ZPBP: variants seen among roughly 807,000 people sequenced by gnomAD.
ZPBP encodes the protein zona pellucida-binding protein 1.
A neutral mutation model predicts 44.8 loss-of-function variants in ZPBP; 26 were observed. The observed-to-expected ratio is 0.58, with a 90% confidence interval of 0.43 to 0.81. ZPBP has a LOEUF of 0.81. ZPBP is among the 30% of genes least tolerant of loss of function. ZPBP has a pLI of 0.00. For synonymous variants in ZPBP, 174 were observed against 153.2 expected (o/e 1.14, Z -1.00); for missense variants, 409 against 434.0 (o/e 0.94, Z 0.51).
intron 1 of ZPBP, among the ~76,000 whole-genome samples, chr7:50,091,680 A>C (rs897343241): frequency 5.9e-5 from 9 of 152,228 alleles, no homozygotes; most frequent in Non-Finnish European, 8.8e-5. Flanking sequence ...TCAGTATCAA[A>C]CACTATACCT....
In ZPBP at chr7:49,987,748, G is replaced by C. The variant is rs1043814136; in HGVS notation, c.784-4229C>G. On this transcript the variant is annotated intron_variant, in intron 6 of 7. Transcript: ENST00000046087. ...ATGTGTTGTGTGTGTGTGTGTGTGTGTGTGTGTGTGTGTGTGTGTGTGTGC... is the reference window on the plus strand; with the variant it reads ...ATGTGTTGTGTGTGTGTGTGTGTGTCTGTGTGTGTGTGTGTGTGTGTGTGC... 5.6e-5 allele frequency among the ~76,000 whole-genome samples: 8 copies of C among 143,120 alleles called. No homozygotes were observed. The East Asian group carries it at 1.7e-3, about 30-fold the overall frequency. The allele number at this position is 143,120 out of a possible 152,430, so 93.9% of individuals were successfully genotyped here.
chr7:49,875,985 C>T (rs895937474), intron 2 of ZPBP, among the ~76,000 whole-genome samples: 5 of 152,146 alleles, frequency 3.3e-5, no homozygotes, highest in African/African-American at 9.7e-5. Context: ...TGTGCTGGCA[C>T]ACTTATTCTG....
chr7:50,005,580 T>G (rs1798269809), intron 6 of ZPBP, among the ~76,000 whole-genome samples: 1 of 151,968 alleles, frequency 6.6e-6, no homozygotes, highest in Non-Finnish European at 1.5e-5. Context: ...AACTTTAAGA[T>G]GTTCTATCTA....
At chr7:50,040,512 G>C (rs979457103) in intron 4 of ZPBP, among the ~76,000 whole-genome samples, 1 of 152,176 alleles carries the variant, frequency 6.6e-6, no homozygotes, top group Non-Finnish European at 1.5e-5. Flanking sequence ...AGCCTACAGT[G>C]GGCGAGCTGA....
At chr7:50,016,665 T>G (rs1433340676) in intron 6 of ZPBP, among the ~76,000 whole-genome samples, 1 of 152,168 alleles carries the variant, frequency 6.6e-6, no homozygotes, top group Non-Finnish European at 1.5e-5. Flanking sequence ...CTAATCCCTA[T>G]GCTTTAACAC....
At chr7:50,013,515 G>A (rs1798678816) in intron 6 of ZPBP, among the ~76,000 whole-genome samples, 1 of 151,798 alleles carries the variant, frequency 6.6e-6, no homozygotes, top group African/African-American at 2.4e-5. Context: ...CCAATTCTAG[G>A]TAATAATAGT....
chr7:50,037,825 C>T (rs1320639959), intron 4 of ZPBP, among the ~76,000 whole-genome samples: 1 of 152,132 alleles, frequency 6.6e-6, no homozygotes. Context: ...TTTCTACAGC[C>T]TAACACAGGG....
intron 3 of ZPBP, among the ~76,000 whole-genome samples, chr7:50,070,703 T>C (rs1212612226): frequency 6.6e-6 from 1 of 151,832 alleles, no homozygotes; most frequent in African/African-American, 2.4e-5. Context: ...GAACAAAGAG[T>C]CAAGTTACCT....
At chr7:49,973,849 C>T (rs1349022045) in intron 7 of ZPBP, among the ~76,000 whole-genome samples, 2 of 152,084 alleles carry the variant, frequency 1.3e-5, no homozygotes, top group African/African-American at 4.8e-5. Flanking sequence ...AGTTGGGATT[C>T]ATATAATTGT....
intron 4 of ZPBP, among the ~76,000 whole-genome samples, chr7:50,044,162 G>A (rs1172823667): frequency 6.6e-6 from 1 of 152,168 alleles, no homozygotes; most frequent in African/African-American, 2.4e-5. Flanking sequence ...CACAGCTAAA[G>A]CAGTGTTTAG....
At chr7:49,873,854 A>C (rs2128724244) in intron 2 of ZPBP, among the ~76,000 whole-genome samples, 1 of 152,222 alleles carries the variant, frequency 6.6e-6, no homozygotes, top group South Asian at 2.1e-4. Context: ...GTACTACTAC[A>C]CAGCATTTAT....
At chr7:50,069,814 C>T (rs1169488582) in intron 3 of ZPBP, among the ~76,000 whole-genome samples, 1 of 152,084 alleles carries the variant, frequency 6.6e-6, no homozygotes, top group Non-Finnish European at 1.5e-5. Flanking sequence ...CAGGAACGTG[C>T]CTTCCCCTGT....
chr7:49,988,118 A>C (rs1182586251), intron 6 of ZPBP, among the ~76,000 whole-genome samples: 1 of 152,228 alleles, frequency 6.6e-6, no homozygotes. Context: ...AAGCATTAAA[A>C]GCATAACAAA....
At chr7:49,902,488 G>GT (rs1273210359) in intron 1 of ZPBP, among the ~76,000 whole-genome samples, 1 of 148,182 alleles carries the variant, frequency 6.7e-6, no homozygotes, top group Non-Finnish European at 1.5e-5. Flanking sequence ...TGAAAGGGTA[G>GT]TTTTTTGTTT....
At chr7:49,979,218 G>A (rs1796666967) in intron 7 of ZPBP, among the ~76,000 whole-genome samples, 1 of 151,736 alleles carries the variant, frequency 6.6e-6, no homozygotes, top group Non-Finnish European at 1.5e-5. Context: ...CGAGAAAGCC[G>A]TATCACAATT....
At position 50,037,572 on chromosome 7, in the gene ZPBP, A is replaced by G. The variant is rs138627910; in HGVS notation, c.488-6262T>C. Among the ~76,000 whole-genome samples, 3 of 152,264 alleles carry G rather than the reference A, an allele frequency of 2.0e-5. No homozygotes were observed. The East Asian group carries it at 5.8e-4, about 29-fold the overall frequency. On this transcript the variant is annotated intron_variant, in intron 4 of 7. Transcript: ENST00000046087. ...GAGTGTGAAGAAAGAAGTGCTACAC[A>G]CTTTCAGACAACCAGATCTCATGAG...
intron 7 of ZPBP, among the ~76,000 whole-genome samples, chr7:49,979,854 A>G (rs1229990526): frequency 1.8e-4 from 1 of 5,460 alleles, no homozygotes; most frequent in South Asian, 2.9e-3. Flanking sequence ...TATAAAATAT[A>G]TATAATATAA....
At chr7:49,877,122 G>C (rs1177060671) in intron 2 of ZPBP, among the ~76,000 whole-genome samples, 1 of 151,974 alleles carries the variant, frequency 6.6e-6, no homozygotes, top group East Asian at 1.9e-4. Flanking sequence ...AAAATACATT[G>C]GAAGACACGT....
chr7:49,854,174 T>C (rs1205639806), intron 2 of ZPBP, among the ~76,000 whole-genome samples: 2 of 152,212 alleles, frequency 1.3e-5, no homozygotes, highest in East Asian at 3.8e-4. Flanking sequence ...GCAATAAGCA[T>C]ACATGTGCAC....
Sources: gnomAD v4.1 joint callset for allele counts (sites outside exome capture counted in the v4.1 genomes callset) on GRCh38, gnomAD v4.1.1 for gene constraint, MANE v1.5 for transcripts, NCBI Gene and HGNC (gene_info 2026-07-23, HGNC 2026-07-21) for gene names.